Variants in PI4K2B observed in about 807,000 individuals in gnomAD.
The protein encoded by PI4K2B is phosphatidylinositol 4-kinase type 2-beta.
PI4K2B carries 46 observed loss-of-function variants against 56.6 expected under a neutral mutation model. That is an observed-to-expected ratio of 0.81 (90% CI 0.64 to 1.04). The LOEUF is 1.04. Among genes scored for constraint, PI4K2B ranks in the 50% least tolerant of loss-of-function variants. The pLI is 0.00. For synonymous variants in PI4K2B, 211 were observed against 223.8 expected (o/e 0.94, Z 0.51); for missense variants, 556 against 607.7 (o/e 0.91, Z 0.89).
chr4:25,261,178 T>C (rs1487844073), intron 6 of PI4K2B, among the ~76,000 whole-genome samples: 1 of 152,218 alleles, frequency 6.6e-6, no homozygotes, highest in Non-Finnish European at 1.5e-5. Flanking sequence ...ACCATGTTTG[T>C]ATTTTACTAA....
At chr4:25,276,688 T>C in intron 9 of PI4K2B, 1 of 983,852 alleles carries the variant, frequency 1.0e-6, no homozygotes, top group Middle Eastern at 5.2e-4. Flanking sequence ...AAATTGAATA[T>C]GTATGTAGAC....
In PI4K2B at chr4:25,234,316, C is replaced by T. The variant is rs1053581950; in HGVS notation, c.153C>T (p.Asp51=). 4.9e-6 allele frequency: 7 copies of T among 1,415,006 alleles called. No individual in the cohort carries two copies. Among genetic ancestry groups the T allele is most frequent in the Non-Finnish European group, 6.5e-6 (7 of 1,081,696 alleles). The allele number at this position is 1,415,006 out of a possible 1,614,324, so 87.7% of individuals were successfully genotyped here. A position where few individuals can be genotyped will look rare whatever the true frequency, so the allele number is the denominator to read the frequency against. ...GAPGSAVRLL[D]AAGEEGEAGD... Reference sequence around the variant, plus strand: ...CAGGCAGCGCCGTGAGGCTGCTGGACGCTGCCGGGGAGGAGGGCGAGGCCG... The same window carrying T: ...CAGGCAGCGCCGTGAGGCTGCTGGATGCTGCCGGGGAGGAGGGCGAGGCCG... The change falls in exon 1 of 10, where the codon GAC becomes GAT. Residue 51 remains aspartate (D), a synonymous_variant. Coordinates refer to ENST00000264864, the MANE Select transcript of PI4K2B (RefSeq NM_018323.4).
chr4:25,236,136 A>T (rs10005278), intron 1 of PI4K2B, among the ~76,000 whole-genome samples: 2,580 of 152,012 alleles, frequency 0.017, 72 homozygotes, highest in African/African-American at 0.058. Context: ...GATCTTTTTT[A>T]AAAAAATATT....
intron 1 of PI4K2B, among the ~76,000 whole-genome samples, chr4:25,241,380 G>A (rs1715515336): frequency 6.6e-6 from 1 of 152,192 alleles, no homozygotes; most frequent in Non-Finnish European, 1.5e-5. Flanking sequence ...ATAGGTTAAG[G>A]TCAGGATTAG....
intron 5 of PI4K2B, 47 bp from the exon 6 acceptor site, chr4:25,260,477 G>T: frequency 1.3e-6 from 1 of 765,480 alleles, no homozygotes; most frequent in South Asian, 2.1e-5. Context: ...ATTAAGCCAT[G>T]ATGTCCATAG....
Position 25,272,406 on chromosome 4 carries a change from AT to A in PI4K2B, c.1272+3206del, listed in dbSNP as rs755508656. On this transcript the variant is annotated intron_variant, in intron 9 of 9. Transcript: ENST00000264864. Reference sequence around the variant, plus strand: ...GATTTTGTTTTGTTTTTTAATTTTAATTTGATTTTGAGCTTTCCGATAGCCA... The same window carrying A: ...GATTTTGTTTTGTTTTTTAATTTTAATTGATTTTGAGCTTTCCGATAGCCA... 1.5e-3 allele frequency among the ~76,000 whole-genome samples: 234 copies of A among 152,290 alleles called. 4 individuals carry two copies. The East Asian group carries it at 0.035, about 23-fold the overall frequency.
chr4:25,265,533 G>A (rs114932837), intron 7 of PI4K2B, among the ~76,000 whole-genome samples: 4,898 of 152,118 alleles, frequency 0.032, 110 homozygotes, highest in African/African-American at 0.069. Context: ...GCTAAATCAC[G>A]GGTTGCACAG....
At position 25,234,334 on chromosome 4, in the gene PI4K2B, C is replaced by T. The variant is rs1210324026; in HGVS notation, c.171C>T (p.Gly57=). 6.4e-6 allele frequency: 9 copies of T among 1,408,156 alleles called. No homozygotes were observed. The highest frequency in any genetic ancestry group is 2.5e-4 in the Middle Eastern group (1 of 3,944). 87.2% of individuals were successfully genotyped at this position (1,408,156 alleles called of 1,614,324 possible). A position where few individuals can be genotyped will look rare whatever the true frequency, so the allele number is the denominator to read the frequency against. Reference sequence around the variant, plus strand: ...TGCTGGACGCTGCCGGGGAGGAGGGCGAGGCCGGCGACGAGGAGCTGCCCC... The same window carrying T: ...TGCTGGACGCTGCCGGGGAGGAGGGTGAGGCCGGCGACGAGGAGCTGCCCC... ...VRLLDAAGEE[G]EAGDEELPLP... The change falls in exon 1 of 10, where the codon GGC becomes GGT. Residue 57 remains glycine, a synonymous_variant. Transcript: ENST00000264864.
chr4:25,239,746 G>T (rs377368248), intron 1 of PI4K2B, among the ~76,000 whole-genome samples: 1 of 152,222 alleles, frequency 6.6e-6, no homozygotes, highest in Non-Finnish European at 1.5e-5. Context: ...CCGAGGAGGC[G>T]CCGAGAGTGA....
At chr4:25,274,647 T>C (rs796965942) in intron 9 of PI4K2B, among the ~76,000 whole-genome samples, 4 of 152,288 alleles carry the variant, frequency 2.6e-5, no homozygotes, top group African/African-American at 9.6e-5. Flanking sequence ...GAGTGCTCAG[T>C]AAGTGTTTCC....
In PI4K2B at chr4:25,250,125, G is replaced by A. The variant is rs138418361; in HGVS notation, c.269-2196G>A. On this transcript the variant is annotated intron_variant, in intron 1 of 9. Transcript: ENST00000264864. ...TCCCAGGCACTTGGCAGGCTGAGGC[G>A]GGAGAATCAGGCAGGGAGGTTGCAG... Among the ~76,000 whole-genome samples, 2,533 of 152,280 alleles carry A rather than the reference G, an allele frequency of 0.017. 138 individuals carry two copies. In the East Asian group the frequency reaches 0.18, roughly 11 times the overall value.
intron 7 of PI4K2B, among the ~76,000 whole-genome samples, chr4:25,264,999 C>T (rs1170813120): frequency 6.6e-6 from 1 of 152,006 alleles, no homozygotes; most frequent in Non-Finnish European, 1.5e-5. Context: ...AGTTTGAGAT[C>T]AGCCTGGGCA....
At chr4:25,243,880 A>G (rs1305198041) in intron 1 of PI4K2B, among the ~76,000 whole-genome samples, 1 of 152,174 alleles carries the variant, frequency 6.6e-6, no homozygotes, top group Non-Finnish European at 1.5e-5. Flanking sequence ...GTGGGGATCC[A>G]TACTGGGGAT....
Position 25,234,247 on chromosome 4 carries a change from G to A in PI4K2B, c.84G>A (p.Pro28=), listed in dbSNP as rs1021856772. The A allele has an allele frequency of 3.5e-6, 5 of 1,427,462 alleles. No individual in the cohort carries two copies. In the African/African-American group the frequency reaches 5.9e-5, roughly 17 times the overall value. 88.4% of individuals were successfully genotyped at this position (1,427,462 alleles called of 1,614,324 possible). ...AGGAGGAGGATGGGGAGCGGGAGCC[G>A]CTGCTACCGCGGATCGCCTGGGCCC... ...PEEEEDGERE[P]LLPRIAWAHP... The change falls in exon 1 of 10, where the codon CCG becomes CCA. Residue 28 remains proline (P), a synonymous_variant. Coordinates refer to ENST00000264864, the MANE Select transcript of PI4K2B (RefSeq NM_018323.4).
At chr4:25,271,647 A>G (rs1716900490) in intron 9 of PI4K2B, among the ~76,000 whole-genome samples, 1 of 152,206 alleles carries the variant, frequency 6.6e-6, no homozygotes, top group Admixed American at 6.5e-5. Flanking sequence ...GCATAGATAA[A>G]TATGCCTTGA....
chr4:25,260,627 TATATATATATATATACACAC>T lies in PI4K2B; in HGVS notation c.978+38_978+57del, dbSNP rs774945516. The T allele has an allele frequency of 3.6e-4, 99 of 278,858 alleles. 1 individual carries two copies. Among genetic ancestry groups the T allele is most frequent in the Middle Eastern group, 1.1e-3 (1 of 922 alleles). The allele number at this position is 278,858 out of a possible 1,614,324, so 17.3% of individuals were successfully genotyped here. A position where few individuals can be genotyped will look rare whatever the true frequency, so the allele number is the denominator to read the frequency against. ...TTACAATTTTATATATATATATATATATATATATATATATACACACACACACACACACACACATACACACA... is the reference window on the plus strand; with the variant it reads ...TTACAATTTTATATATATATATATATACACACACACACACACATACACACA... On this transcript the variant is annotated intron_variant, in intron 6 of 9. Coordinates refer to ENST00000264864, the MANE Select transcript of PI4K2B (RefSeq NM_018323.4).
Position 25,255,071 on chromosome 4 carries a change from A to G in PI4K2B, c.430A>G (p.Ile144Val), listed in dbSNP as rs373000940. ...YFVKDPKRKI[I>V]GVFKPKSEEP... ...TTTTACTTTTTTGCTCTAGAAAATT[A>G]TTGGTGTGTTTAAACCCAAATCAGA... The change falls in exon 3 of 10, where the codon ATT (isoleucine) becomes GTT (valine). Residue 144 changes from isoleucine to valine, a missense_variant. By Grantham distance (29) the Ile-to-Val change is conservative. Transcript: ENST00000264864. The G allele has an allele frequency of 1.1e-5, 18 of 1,609,568 alleles. No homozygotes were observed. Among genetic ancestry groups the G allele is most frequent in the Middle Eastern group, 1.6e-4 (1 of 6,074 alleles).
chr4:25,268,703 G>C, intron 8 of PI4K2B, 127 bp downstream of exon 8: 1 of 617,640 alleles, frequency 1.6e-6, no homozygotes, highest in East Asian at 3.0e-5. Context: ...TGACAGGACA[G>C]AGAGGAATTA....
chr4:25,254,350 T>C, intron 2 of PI4K2B: 1 of 789,014 alleles, frequency 1.3e-6, no homozygotes. Context: ...TAATAGATAG[T>C]GAATAATAAC....
Sources: allele counts gnomAD v4.1 joint callset (sites outside exome capture counted in the v4.1 genomes callset), GRCh38; gene constraint gnomAD v4.1.1; transcripts MANE v1.5; gene names NCBI Gene and HGNC (gene_info 2026-07-23, HGNC 2026-07-21).